The following PARP14 variants were observed in gnomAD, a reference collection of about 807,000 sequenced individuals.
The protein encoded by PARP14 is poly(ADP-ribose) polymerase family member 14, also known as protein mono-ADP-ribosyltransferase PARP14.
A neutral mutation model predicts 154.2 loss-of-function variants in PARP14; 59 were observed. The observed-to-expected ratio is 0.38, with a 90% CI of 0.31 to 0.48. The LOEUF is 0.48. Ranked by LOEUF, PARP14 falls within the 20% of genes least tolerant of loss-of-function variation. The pLI is 0.98. For synonymous variants in PARP14, 720 were observed against 780.5 expected, an observed-to-expected ratio of 0.92 and a Z score of 1.29; for missense variants, 1,734 against 2,131.6, an observed-to-expected ratio of 0.81 and a Z score of 3.67.
chr3:122,724,759 A>C (rs961211839), intron 15 of PARP14, among the ~76,000 whole-genome samples: 35 of 152,196 alleles, frequency 2.3e-4, no homozygotes, highest in African/African-American at 8.4e-4. Context: ...AAACACGTGA[A>C]TAAAGGACTC....
At position 122,701,027 on chromosome 3, in the gene PARP14, G is replaced by T; in HGVS notation, c.2473G>T (p.Glu825Ter). 6.2e-7 allele frequency: 1 copy of T among 1,614,048 alleles called. No homozygotes were observed. Among genetic ancestry groups the T allele is most frequent in the Non-Finnish European group, 8.5e-7 (1 of 1,179,892 alleles). Reference sequence around the variant, plus strand: ...CGATGTGGTGGTGAATGCATCTAATGAGGACCTTAAGCATTATGGTGGCCT... The same window carrying T: ...CGATGTGGTGGTGAATGCATCTAATTAGGACCTTAAGCATTATGGTGGCCT... ...PVDVVVNASNEDLKHYGGLAA... is the reference protein window; with the variant it reads ...PVDVVVNASN Residue 825 changes from glutamate to a stop codon, truncating the protein, a stop_gained, in exon 6 of 17, where the codon GAG becomes TAG. Transcript: ENST00000474629. LOFTEE classifies it high-confidence loss of function. This position sits in a 1 kb window ranked among gnomAD's most constrained non-coding sequence, Gnocchi z 4.0.
rs568390490 is a variant in PARP14, at chr3:122,681,194, CGGGGCGGGGGCG to C, written c.187+138_187+149del. The C allele has an allele frequency of 7.9e-4, 52 of 65,708 alleles. 2 individuals are homozygous for C. The highest frequency in any genetic ancestry group is 1.3e-3 in the East Asian group (3 of 2,346). 4.1% of individuals were successfully genotyped at this position (65,708 alleles called of 1,614,324 possible). ...CGGCGGCTGCTGTAGCGGAGGTGGC[CGGGGCGGGGGCG>C]GGGGCGGGGGCGGCAGAATGGATTC... On this transcript the variant is annotated intron_variant, in intron 1 of 16. Transcript: ENST00000474629. The surrounding 1 kb of genome is among the most constrained non-coding windows in gnomAD (Gnocchi z 5.5).
At position 122,704,121 on chromosome 3, in the gene PARP14, C is replaced by A. The variant is rs1185112345; in HGVS notation, c.3318+143C>A. 6 of 639,092 alleles carry A rather than the reference C, an allele frequency of 9.4e-6. No individual in the cohort carries two copies. The Admixed American group carries it at 1.7e-4, about 18-fold the overall frequency. 39.6% of individuals were successfully genotyped at this position (639,092 alleles called of 1,614,324 possible). On this transcript the variant is annotated intron_variant, in intron 7 of 16. Coordinates refer to ENST00000474629, the MANE Select transcript of PARP14 (RefSeq NM_017554.3). ...CTTTTGGCAGATTCCATCATGTGGC[C>A]ATTTCTTTCAGCTGTAGCTGACTTC...
rs764859143 is a variant in PARP14 at position 122,718,612 on chromosome 3, C to T, written c.4461C>T (p.Ser1487=). 6.2e-7 allele frequency: 1 copy of T among 1,613,816 alleles called. No homozygotes were observed. The highest frequency in any genetic ancestry group is 1.1e-5 in the South Asian group (1 of 91,064). The change falls in exon 14 of 17, where the codon TCC becomes TCT. Residue 1487 remains serine (S), a synonymous_variant. Transcript: ENST00000474629. ...ELQKKLNINI[S]LDHKRPLIKV... is the part of the protein sequence containing the mutation. ...AGAAGAAGTTAAATATTAACATTTC[C>T]CTGGACCATAAGAGACCTTTGATTA... is the stretch of plus-strand genomic sequence containing the variant.
intron 2 of PARP14, 194 bp from the exon 3 acceptor site, chr3:122,686,886 C>A: frequency 1.9e-6 from 1 of 524,920 alleles, no homozygotes; most frequent in Non-Finnish European, 3.4e-6. Flanking sequence ...GTCTCATCTT[C>A]ATTGGTGATT....
At chr3:122,712,772 C>T (rs187542157) in intron 9 of PARP14, among the ~76,000 whole-genome samples, 38 of 145,594 alleles carry the variant, frequency 2.6e-4, no homozygotes, top group Non-Finnish European at 5.0e-4. Context: ...AGGCTGATCT[C>T]GAACTCCTGG....
chr3:122,719,079 C>G (rs1035617350), intron 14 of PARP14, 121 bp downstream of exon 14: 11 of 1,017,754 alleles, frequency 1.1e-5, no homozygotes, highest in Middle Eastern at 2.2e-4. Flanking sequence ...ATGAAATAAA[C>G]TAGAAAATGT....
chr3:122,720,787 C>T, intron 15 of PARP14: 2 of 457,830 alleles, frequency 4.4e-6, no homozygotes, highest in South Asian at 3.1e-5. Context: ...CTTGATAAAG[C>T]CAGCAGGCCT....
At position 122,703,927 on chromosome 3, in the gene PARP14, G is replaced by T; in HGVS notation, c.3267G>T (p.Val1089=). ...GCTGGAATCTGGACTGTCGCTATGT[G>T]CTTCACGTGGTAGCTCCGGAGTGGA... ...TSSWNLDCRY[V]LHVVAPEWRN... is the part of the protein sequence containing the mutation. The change falls in exon 7 of 17, where the codon GTG becomes GTT. Residue 1089 remains valine (V), a synonymous_variant. Transcript: ENST00000474629. 6.2e-7 allele frequency: 1 copy of T among 1,614,008 alleles called. No homozygotes were observed. The highest frequency in any genetic ancestry group is 1.7e-5 in the Admixed American group (1 of 60,026).
At chr3:122,727,665 G>T (rs1302930004) in intron 15 of PARP14, 147 bp from the exon 16 acceptor site, 6 of 490,082 alleles carry the variant, frequency 1.2e-5, no homozygotes, top group Middle Eastern at 4.9e-4. Context: ...ATCTAAAAAG[G>T]TTTCTGAATG....
intron 8 of PARP14, among the ~76,000 whole-genome samples, chr3:122,706,547 T>C (rs1328564395): frequency 6.6e-6 from 1 of 152,220 alleles, no homozygotes; most frequent in Non-Finnish European, 1.5e-5. Context: ...CATGGCTTCC[T>C]GCTTGGGACA....
At chr3:122,723,407 T>G (rs1166412963) in intron 15 of PARP14, among the ~76,000 whole-genome samples, 1 of 152,254 alleles carries the variant, frequency 6.6e-6, no homozygotes, top group African/African-American at 2.4e-5. Flanking sequence ...GACATGAATT[T>G]TTTTAGAGTT....
chr3:122,720,907 C>T (rs12492888), intron 15 of PARP14: 45 of 455,472 alleles, frequency 9.9e-5, no homozygotes, highest in South Asian at 3.4e-4. Context: ...AGGAGTTTGA[C>T]GCCAGTCTGG....
rs750518159 is a variant in PARP14, at chr3:122,714,279, G to C, written c.3850G>C (p.Asp1284His). The change falls in exon 12 of 17, where the codon GAT becomes CAT. Residue 1284 changes from aspartate (D) to histidine (H), a missense_variant. Physicochemically the swap from Asp to His is moderately conservative, Grantham distance 81. Around this residue, in one of 2 missense-constraint regions of PARP14, gnomAD observed 1,646 missense variants for 1,976.0 expected, o/e 0.83. Coordinates refer to ENST00000474629, the MANE Select transcript of PARP14 (RefSeq NM_017554.3). Reference protein sequence around the residue: ...CSQQAQQRKNDYIITGGGFLR... With the variant: ...CSQQAQQRKNHYIITGGGFLR... Reference sequence around the variant, plus strand: ...TTTCCCAGCTCAGCAGCGCAAAAATGATTATATAATCACCGGAGGTGGATT... The same window carrying C: ...TTTCCCAGCTCAGCAGCGCAAAAATCATTATATAATCACCGGAGGTGGATT... 56 of 1,597,416 alleles carry C rather than the reference G, an allele frequency of 3.5e-5. No individual in the cohort carries two copies. Among genetic ancestry groups the C allele is most frequent in the Non-Finnish European group, 4.8e-5 (56 of 1,175,436 alleles).
At chr3:122,708,078 G>A (rs895276948) in intron 8 of PARP14, 112 bp from the exon 9 acceptor site, 2 of 594,558 alleles carry the variant, frequency 3.4e-6, no homozygotes, top group Non-Finnish European at 6.0e-6. Context: ...TACTGTTTGA[G>A]AATGGTTATC....
chr3:122,689,704 G>A (rs1938481100), intron 3 of PARP14, among the ~76,000 whole-genome samples: 2 of 152,178 alleles, frequency 1.3e-5, no homozygotes, highest in East Asian at 3.8e-4. Context: ...CTCCCTGCCT[G>A]CTCTGTCTGT....
rs758034415 is a variant in PARP14 at position 122,704,762 on chromosome 3, A to C, written c.3540+14A>C. The C allele has an allele frequency of 6.0e-6, 9 of 1,489,586 alleles. No homozygotes were observed. The East Asian group carries it at 1.9e-4, about 31-fold the overall frequency. The allele number at this position is 1,489,586 out of a possible 1,614,324, so 92.3% of individuals were successfully genotyped here. A position where few individuals can be genotyped will look rare whatever the true frequency, so the allele number is the denominator to read the frequency against. ...GAAAATATTCAGGTACAGTGCCACT[A>C]ATTTCTGATTATTTTGGCAACTGAG... On this transcript the variant is annotated intron_variant, in intron 8 of 16. Transcript: ENST00000474629.
intron 9 of PARP14, among the ~76,000 whole-genome samples, chr3:122,710,183 T>C (rs1183418087): frequency 6.6e-6 from 1 of 152,152 alleles, no homozygotes; most frequent in East Asian, 1.9e-4. Flanking sequence ...AGAATTTTTA[T>C]GGTTTCAGGT....
chr3:122,694,115 C>G (rs1398667091), intron 4 of PARP14, among the ~76,000 whole-genome samples: 2 of 152,016 alleles, frequency 1.3e-5, no homozygotes, highest in Non-Finnish European at 2.9e-5. Flanking sequence ...AGGGAGGAAG[C>G]CCATATGTAA....
Sources: gnomAD v4.1 joint callset for allele counts (sites outside exome capture counted in the v4.1 genomes callset) on GRCh38, gnomAD v4.1.1 for gene constraint, gnomAD v4.1.1 regional missense constraint, Gnocchi (gnomAD v3.1) non-coding constraint, MANE v1.5 for transcripts, NCBI Gene and HGNC (gene_info 2026-07-23, HGNC 2026-07-21) for gene names.